The following ERICH2 variants were observed in gnomAD, a reference collection of about 807,000 sequenced individuals.
The protein encoded by ERICH2 is glutamate rich 2, also known as glutamate-rich protein 2.
A neutral mutation model predicts 17.4 loss-of-function variants in ERICH2; 17 were observed. That is an observed-to-expected ratio of 0.98 (90% CI 0.67 to 1.47). The LOEUF (loss-of-function observed/expected upper bound fraction) is 1.47, where lower values mean the gene tolerates loss of function less well. Ranked by LOEUF, ERICH2 falls within the 40% of genes most tolerant of loss-of-function variation. The pLI is 0.00. For synonymous variants in ERICH2, 51 were observed against 61.1 expected (o/e 0.83, Z 0.77); for missense variants, 186 against 183.2 (o/e 1.01, Z -0.09).
chr2:170,778,102 T>C, the ERICH2 span: 1 of 154,636 alleles, frequency 6.5e-6, no homozygotes, highest in African/African-American at 2.4e-5. Flanking sequence ...TCACCTCAAC[T>C]AGTTGAAGAA....
upstream of ERICH2, among the ~76,000 whole-genome samples, chr2:170,782,782 TTAAAAA>T (rs1392082159): frequency 6.6e-6 from 1 of 152,174 alleles, no homozygotes; most frequent in African/African-American, 2.4e-5. Flanking sequence ...CAGCTGACTA[TTAAAAA>T]TAAAAAACAG....
chr2:170,798,801 A>G, exon 5 of ERICH2: 1 of 1,550,708 alleles, frequency 6.4e-7, no homozygotes, highest in South Asian at 1.2e-5. Context: ...AAGACGGTGA[A>G]AACAGTGATG....
chr2:170,772,711 A>G, the ERICH2 span, among the ~76,000 whole-genome samples: 1 of 152,206 alleles, frequency 6.6e-6, no homozygotes. Context: ...TGCATCATGT[A>G]ATGTTTCCCC....
At chr2:170,772,247 T>A in the ERICH2 span, among the ~76,000 whole-genome samples, 1 of 152,206 alleles carries the variant, frequency 6.6e-6, no homozygotes, top group African/African-American at 2.4e-5. Context: ...CTTTGCCCCA[T>A]CCAGTTTCGG....
At chr2:170,788,641 T>TTG in intron 2 of ERICH2, among the ~76,000 whole-genome samples, 1 of 151,866 alleles carries the variant, frequency 6.6e-6, no homozygotes, top group South Asian at 2.1e-4. Context: ...CCAGCTAATT[T>TTG]TGTGTGTGTG....
At chr2:170,784,538 G>T (rs2105694405) in intron 1 of ERICH2, 108 bp from the exon 7 acceptor site, 1 of 545,030 alleles carries the variant, frequency 1.8e-6, no homozygotes, top group East Asian at 3.1e-5. Context: ...TGATAATTAT[G>T]TTACTTTTAT....
chr2:170,789,404 A>G (rs936664044), intron 2 of ERICH2, among the ~76,000 whole-genome samples: 1 of 152,224 alleles, frequency 6.6e-6, no homozygotes, highest in Admixed American at 6.5e-5. Context: ...GAAAATTAGT[A>G]ATAATTCTGT....
intron 3 of ERICH2, among the ~76,000 whole-genome samples, chr2:170,796,751 T>C (rs1701434994): frequency 6.6e-6 from 1 of 152,088 alleles, no homozygotes; most frequent in Non-Finnish European, 1.5e-5. Flanking sequence ...AATTGTGTCT[T>C]ACTTTTAGCC....
exon 1 of ERICH2, chr2:170,783,823 G>T: frequency 6.4e-7 from 1 of 1,550,410 alleles, no homozygotes; most frequent in Admixed American, 2.0e-5. Flanking sequence ...TGGACAGTCA[G>T]GGTGGTTGTG....
upstream of ERICH2, chr2:170,783,156 A>G (rs1701070805): frequency 6.6e-6 from 1 of 151,926 alleles, no homozygotes. Flanking sequence ...AAAATAAAAA[A>G]TAAAAAAATA....
Sources: gnomAD v4.1 joint callset for allele counts (sites outside exome capture counted in the v4.1 genomes callset) on GRCh38, gnomAD v4.1.1 for gene constraint, MANE v1.5 for transcripts, NCBI Gene and HGNC (gene_info 2026-07-23, HGNC 2026-07-21) for gene names.